TUSC3: variants seen among roughly 807,000 people sequenced by gnomAD.
The protein encoded by TUSC3 is dolichyl-diphosphooligosaccharide--protein glycosyltransferase subunit TUSC3.
Under a neutral mutation model 44.8 loss-of-function variants are expected in TUSC3, and 45 were observed. The observed-to-expected ratio is 1.00, with a 90% CI of 0.79 to 1.29. The LOEUF (loss-of-function observed/expected upper bound fraction) is 1.29, where lower values mean the gene tolerates loss of function less well. Among genes scored for constraint, TUSC3 ranks in the 50% most tolerant of loss-of-function variants. The pLI, the probability that TUSC3 is intolerant of heterozygous loss-of-function variation, is 0.00. For synonymous variants in TUSC3, 212 were observed against 152.9 expected (o/e 1.39, Z -2.85); for missense variants, 519 against 437.9 (o/e 1.19, Z -1.65).
intron 7 of TUSC3, among the ~76,000 whole-genome samples, chr8:15,739,446 G>C (rs1315705262): frequency 1.3e-5 from 2 of 151,954 alleles, no homozygotes; most frequent in Non-Finnish European, 2.9e-5. Flanking sequence ...TGGGGTTTCT[G>C]TTCCATTTCT....
chr8:15,719,091 C>A (rs1381042868), intron 6 of TUSC3, among the ~76,000 whole-genome samples: 2 of 152,060 alleles, frequency 1.3e-5, no homozygotes, highest in Non-Finnish European at 2.9e-5. Context: ...TCCCTGGTCT[C>A]CTTGCTTCTA....
At chr8:15,513,182 C>A (rs35450770) in intron 2 of TUSC3, among the ~76,000 whole-genome samples, 1 of 151,402 alleles carries the variant, frequency 6.6e-6, no homozygotes, top group Non-Finnish European at 1.5e-5. Flanking sequence ...TGATAAATAT[C>A]TCTAAAACAT....
At chr8:15,527,657 G>T (rs1288172291) in intron 2 of TUSC3, among the ~76,000 whole-genome samples, 1 of 152,080 alleles carries the variant, frequency 6.6e-6, no homozygotes, top group Non-Finnish European at 1.5e-5. Flanking sequence ...CTCCCATGTT[G>T]GCCTCCCAAA....
intron 1 of TUSC3, among the ~76,000 whole-genome samples, chr8:15,448,635 A>T (rs1398312435): frequency 1.3e-5 from 2 of 152,208 alleles, no homozygotes; most frequent in Non-Finnish European, 2.9e-5. Context: ...TGTTTTAGCC[A>T]ATAATATTGC....
chr8:15,456,588 A>G (rs991552351), intron 1 of TUSC3, among the ~76,000 whole-genome samples: 1 of 152,200 alleles, frequency 6.6e-6, no homozygotes. Flanking sequence ...TAGAAAGCCT[A>G]GAAATATTCA....
the TUSC3 span, among the ~76,000 whole-genome samples, chr8:15,835,980 G>T: frequency 1.3e-5 from 2 of 152,154 alleles, no homozygotes; most frequent in South Asian, 2.1e-4. Context: ...CTGTTCTACA[G>T]TCATTGCAAA....
At chr8:15,824,141 G>T in the TUSC3 span, among the ~76,000 whole-genome samples, 4 of 152,144 alleles carry the variant, frequency 2.6e-5, no homozygotes, top group African/African-American at 9.7e-5. Context: ...ATTCACGGCA[G>T]AACTAAACTG....
the TUSC3 span, among the ~76,000 whole-genome samples, chr8:15,818,051 A>C: frequency 1.7e-4 from 26 of 152,298 alleles, no homozygotes; most frequent in African/African-American, 6.0e-4. Flanking sequence ...GATGAAAATA[A>C]AATTTCAGGT....
chr8:15,805,571 T>C, the TUSC3 span, among the ~76,000 whole-genome samples: 1 of 152,138 alleles, frequency 6.6e-6, no homozygotes, highest in Non-Finnish European at 1.5e-5. Flanking sequence ...GCCTTTTCTA[T>C]GCCTATTGAG....
At chr8:15,557,744 A>G (rs1276717136) in intron 1 of TUSC3, among the ~76,000 whole-genome samples, 6 of 138,634 alleles carry the variant, frequency 4.3e-5, no homozygotes, top group African/African-American at 1.0e-4. Flanking sequence ...GGATTCCTAG[A>G]TATTTTCTTC....
intron 2 of TUSC3, among the ~76,000 whole-genome samples, chr8:15,643,615 T>C (rs1806486107): frequency 6.6e-6 from 1 of 152,188 alleles, no homozygotes; most frequent in Non-Finnish European, 1.5e-5. Flanking sequence ...AGGGAACAGC[T>C]TTAAGAAACA....
At chr8:15,538,111 T>C (rs1335075642), upstream of TUSC3, among the ~76,000 whole-genome samples, 2 of 152,208 alleles carry the variant, frequency 1.3e-5, no homozygotes, top group Admixed American at 6.5e-5. Flanking sequence ...ACAGGATGAC[T>C]GGTTATACAA....
At chr8:15,592,549 C>G (rs1803886073) in intron 1 of TUSC3, among the ~76,000 whole-genome samples, 1 of 152,094 alleles carries the variant, frequency 6.6e-6, no homozygotes, top group African/African-American at 2.4e-5. Context: ...CCTCCTAACT[C>G]TCTTTTGCTC....
intron 1 of TUSC3, among the ~76,000 whole-genome samples, chr8:15,579,266 A>G (rs1248565643): frequency 7.3e-6 from 1 of 137,410 alleles, no homozygotes; most frequent in African/African-American, 2.6e-5. Context: ...TCAAAAAACC[A>G]GCTCCTGGAT....
intron 2 of TUSC3, among the ~76,000 whole-genome samples, chr8:15,510,670 G>A (rs1000238783): frequency 1.2e-4 from 18 of 152,028 alleles, no homozygotes; most frequent in African/African-American, 3.9e-4. Context: ...AGGAGGAGAT[G>A]ACACCAATTT....
At chr8:15,593,776 C>G (rs1324792230) in intron 1 of TUSC3, among the ~76,000 whole-genome samples, 2 of 151,962 alleles carry the variant, frequency 1.3e-5, no homozygotes, top group Non-Finnish European at 2.9e-5. Context: ...TTCTTTGATT[C>G]TTTATGCTCT....
chr8:15,517,855 A>C (rs189697347), intron 2 of TUSC3, among the ~76,000 whole-genome samples: 136 of 152,066 alleles, frequency 8.9e-4, no homozygotes, highest in African/African-American at 3.2e-3. Context: ...TTCTTCTGAT[A>C]TAATTCACAT....
At chr8:15,481,508 C>G (rs1800660822) in intron 1 of TUSC3, among the ~76,000 whole-genome samples, 1 of 152,178 alleles carries the variant, frequency 6.6e-6, no homozygotes, top group East Asian at 1.9e-4. Context: ...CCTCAAGAAC[C>G]ATGATCCAAT....
intron 6 of TUSC3, among the ~76,000 whole-genome samples, chr8:15,692,090 T>G (rs1808925589): frequency 6.6e-6 from 1 of 152,214 alleles, no homozygotes; most frequent in Non-Finnish European, 1.5e-5. Context: ...ACATGTGGTT[T>G]GTTTTATTAG....
Sources: allele counts gnomAD v4.1 joint callset (sites outside exome capture counted in the v4.1 genomes callset), GRCh38; gene constraint gnomAD v4.1.1; transcripts MANE v1.5; gene names NCBI Gene and HGNC (gene_info 2026-07-23, HGNC 2026-07-21).